EDEM1: variants seen among roughly 807,000 people sequenced by gnomAD.
EDEM1 encodes ER degradation-enhancing alpha-mannosidase-like protein 1.
A neutral mutation model predicts 74.4 loss-of-function variants in EDEM1; 67 were observed. The observed-to-expected ratio is 0.90, with a 90% CI of 0.74 to 1.10. The LOEUF is 1.10. Ranked by LOEUF, EDEM1 falls within the 50% of genes least tolerant of loss-of-function variation. The pLI, the probability that EDEM1 is intolerant of heterozygous loss-of-function variation, is 0.00. For missense variants in EDEM1, 926 were observed against 851.6 expected, an observed-to-expected ratio of 1.09 and a Z score of -1.09; for synonymous variants, 382 against 335.9, an observed-to-expected ratio of 1.14 and a Z score of -1.50.
chr3:5,195,640 G>A (rs1338941743), intron 2 of EDEM1, among the ~76,000 whole-genome samples: 1 of 152,150 alleles, frequency 6.6e-6, no homozygotes, highest in Non-Finnish European at 1.5e-5. Context: ...AAGATCTAAG[G>A]GTTGGCAGGT....
rs886772212 is a variant in EDEM1 at position 5,187,740 on chromosome 3, C to T, written c.-66C>T. 4 of 1,437,998 alleles carry T rather than the reference C, an allele frequency of 2.8e-6. No homozygotes were observed. Among genetic ancestry groups the T allele is most frequent in the South Asian group, 2.8e-5 (2 of 71,546 alleles). 89.1% of individuals were successfully genotyped at this position (1,437,998 alleles called of 1,614,324 possible). Reference sequence around the variant, plus strand: ...AGCGAGCCGGGCTACGGGGCGAGCGCGGGGTGCGGTGGTCGGCGGGGAGGC... The same window carrying T: ...AGCGAGCCGGGCTACGGGGCGAGCGTGGGGTGCGGTGGTCGGCGGGGAGGC... On this transcript the variant is annotated 5_prime_UTR_variant, in exon 1 of 12. Coordinates refer to ENST00000256497, the MANE Select transcript of EDEM1 (RefSeq NM_014674.3).
chr3:5,197,014 C>A (rs1235108891), intron 2 of EDEM1, among the ~76,000 whole-genome samples: 3 of 148,010 alleles, frequency 2.0e-5, no homozygotes, highest in Non-Finnish European at 4.5e-5. Context: ...CTTCAACCTT[C>A]AGCTCCTGGG....
rs1330199497 is a variant in EDEM1 at position 5,199,608 on chromosome 3, C to T, written c.599C>T (p.Ser200Phe). Residue 200 changes from serine (S) to phenylalanine (F), a missense_variant, in exon 3 of 12, where the codon TCC becomes TTC. Ser to Phe is a radical substitution (Grantham distance 155, BLOSUM62 -2). Coordinates refer to ENST00000256497, the MANE Select transcript of EDEM1 (RefSeq NM_014674.3). ...LDTLAIMGNSSEFQKAVKLVI... is the reference protein window; with the variant it reads ...LDTLAIMGNSFEFQKAVKLVI... ...TTTTTAAAGATAATGGGAAATTCAT[C>T]CGAGTTCCAGAAAGCCGTCAAGTTA... 3.1e-6 allele frequency: 5 copies of T among 1,612,444 alleles called. No individual in the cohort carries two copies. Among genetic ancestry groups the T allele is most frequent in the Non-Finnish European group, 4.2e-6 (5 of 1,179,170 alleles).
Position 5,187,804 on chromosome 3 carries a change from C to G in EDEM1, c.-2C>G, listed in dbSNP as rs1416844873. The G allele has an allele frequency of 6.4e-7, 1 of 1,556,118 alleles. No individual in the cohort carries two copies. On this transcript the variant is annotated 5_prime_UTR_variant, in exon 1 of 12. Transcript: ENST00000256497. ...AATAATGCCCGCGGCGCCCGCGCGA[C>G]CATGCAATGGCGAGCGCTCGTCCTG...
intron 3 of EDEM1, among the ~76,000 whole-genome samples, chr3:5,200,503 G>A (rs1332336567): frequency 6.6e-6 from 1 of 152,102 alleles, no homozygotes; most frequent in African/African-American, 2.4e-5. Context: ...TTGGGATCAT[G>A]CTGTATACCT....
intron 6 of EDEM1, among the ~76,000 whole-genome samples, chr3:5,206,876 A>G (rs2055104070): frequency 6.6e-6 from 1 of 152,196 alleles, no homozygotes; most frequent in Non-Finnish European, 1.5e-5. Flanking sequence ...CAGGGCTCTT[A>G]AACCCAAAGC....
chr3:5,189,122 C>A (rs576495406), intron 1 of EDEM1, among the ~76,000 whole-genome samples: 159 of 152,284 alleles, frequency 1.0e-3, no homozygotes, highest in African/African-American at 3.5e-3. Context: ...ACATCAAAGT[C>A]CAAGAGGGCA....
intron 1 of EDEM1, among the ~76,000 whole-genome samples, chr3:5,192,920 ATTTT>A (rs201219399): frequency 6.9e-6 from 1 of 143,998 alleles, no homozygotes. Flanking sequence ...ACTGCAAGTA[ATTTT>A]TTTTTTTTTT....
Position 5,213,410 on chromosome 3 carries a change from G to C in EDEM1, c.1772G>C (p.Arg591Pro), listed in dbSNP as rs200943819. The C allele has an allele frequency of 3.7e-6, 6 of 1,614,066 alleles. No homozygotes were observed. The East Asian group carries it at 1.3e-4, about 36-fold the overall frequency. ...GHIVSVDEHL[R>P]ELPWKEFFSE... ...ATTGTATCTGTGGATGAGCATCTTC[G>C]GGAATTGCCATGGAAGGAATTCTTC... The change falls in exon 11 of 12, where the codon CGG (arginine) becomes CCG (proline). Residue 591 changes from arginine to proline, a missense_variant. Coordinates refer to ENST00000256497, the MANE Select transcript of EDEM1 (RefSeq NM_014674.3).
chr3:5,202,400 G>C (rs561477232), intron 4 of EDEM1, among the ~76,000 whole-genome samples: 131 of 152,334 alleles, frequency 8.6e-4, no homozygotes, highest in African/African-American at 2.5e-3. Context: ...TTAAATGCCA[G>C]GATCTGGAAT....
chr3:5,212,989 TTAGG>T (rs1458646055), intron 10 of EDEM1, among the ~76,000 whole-genome samples: 1 of 152,220 alleles, frequency 6.6e-6, no homozygotes, highest in Non-Finnish European at 1.5e-5. Context: ...AGGAGAACTC[TTAGG>T]TAGCACATGG....
intron 10 of EDEM1, among the ~76,000 whole-genome samples, chr3:5,212,492 G>T (rs983496284): frequency 1.2e-4 from 19 of 152,210 alleles, no homozygotes; most frequent in African/African-American, 4.6e-4. Flanking sequence ...AGGTGACCCT[G>T]GAGGGTGTGC....
At position 5,211,510 on chromosome 3, in the gene EDEM1, G is replaced by C. The variant is rs1222826955; in HGVS notation, c.1680+294G>C. On this transcript the variant is annotated intron_variant, in intron 10 of 11. Transcript: ENST00000256497. Reference sequence around the variant, plus strand: ...AGTGTTAGTTCTGTATCTAACTACAGGTGGTCGGGGAAGACGCCTCTGAGG... The same window carrying C: ...AGTGTTAGTTCTGTATCTAACTACACGTGGTCGGGGAAGACGCCTCTGAGG... 3 of 316,126 alleles carry C rather than the reference G, an allele frequency of 9.5e-6. No homozygotes were observed. In the East Asian group the frequency reaches 2.1e-4, roughly 22 times the overall value. The allele number at this position is 316,126 out of a possible 1,614,324, so 19.6% of individuals were successfully genotyped here. A position where few individuals can be genotyped will look rare whatever the true frequency, so the allele number is the denominator to read the frequency against.
At chr3:5,196,526 C>G (rs1030525674) in intron 2 of EDEM1, among the ~76,000 whole-genome samples, 3 of 152,060 alleles carry the variant, frequency 2.0e-5, no homozygotes, top group Non-Finnish European at 2.9e-5. Context: ...TTATGATTGT[C>G]TAGTATCTTG....
In EDEM1 at chr3:5,192,969, G is replaced by A. The variant is rs573674668; in HGVS notation, c.510-2240G>A. Among the ~76,000 whole-genome samples, 6 of 151,348 alleles carry A rather than the reference G, an allele frequency of 4.0e-5. 1 individual carries two copies. The South Asian group carries it at 1.0e-3, about 26-fold the overall frequency. On this transcript the variant is annotated intron_variant, in intron 1 of 11. Transcript: ENST00000256497. ...GCAGCTCATTAATTTTTAGTGACTG[G>A]GCATTGTAAAAAATATTTTAAAACT... is the stretch of plus-strand genomic sequence containing the variant.
rs79714971 is a variant in EDEM1, at chr3:5,216,059, G to A, written c.*141G>A. ...GAATTTCTGTGCAACACCTCACCAC[G>A]TCTGGTTAATCCTTGCACACTTCAG... On this transcript the variant is annotated 3_prime_UTR_variant, in exon 12 of 12. Transcript: ENST00000256497. 3,066 of 641,012 alleles carry A rather than the reference G, an allele frequency of 4.8e-3. 71 individuals are homozygous for A. In the African/African-American group the frequency reaches 0.049, roughly 10 times the overall value. 39.7% of individuals were successfully genotyped at this position (641,012 alleles called of 1,614,324 possible). A position where few individuals can be genotyped will look rare whatever the true frequency, so the allele number is the denominator to read the frequency against.
chr3:5,202,928 T>G, intron 4 of EDEM1, 38 bp from the exon 5 acceptor site: 2 of 1,594,794 alleles, frequency 1.3e-6, no homozygotes, highest in Non-Finnish European at 1.7e-6. Flanking sequence ...GTGGATTCCT[T>G]GAGTTTTGTC....
chr3:5,187,861 G>C lies in EDEM1; in HGVS notation c.56G>C (p.Gly19Ala). 1 of 1,598,566 alleles carries C rather than the reference G, an allele frequency of 6.3e-7. No homozygotes were observed. Among genetic ancestry groups the C allele is most frequent in the Non-Finnish European group, 8.5e-7 (1 of 1,173,868 alleles). Residue 19 changes from glycine (G) to alanine (A), a missense_variant, in exon 1 of 12, where the codon GGA (glycine) becomes GCA (alanine). By Grantham distance (60) the Gly-to-Ala change is moderately conservative. Coordinates refer to ENST00000256497, the MANE Select transcript of EDEM1 (RefSeq NM_014674.3). ...GTGCTCCTCCGGCTTGGCCTCCATGGAGTATTGTGGCTCGTCTTCGGGCTG... is the reference window on the plus strand; with the variant it reads ...GTGCTCCTCCGGCTTGGCCTCCATGCAGTATTGTGGCTCGTCTTCGGGCTG... The part of the protein sequence containing the change: ...GLVLLRLGLH[G>A]VLWLVFGLGP...
At chr3:5,190,425 A>G (rs1195232665) in intron 1 of EDEM1, among the ~76,000 whole-genome samples, 1 of 152,212 alleles carries the variant, frequency 6.6e-6, no homozygotes, top group African/African-American at 2.4e-5. Context: ...TGACATTTTA[A>G]TGTTTTTCTT....
Sources: allele counts gnomAD v4.1 joint callset (sites outside exome capture counted in the v4.1 genomes callset), GRCh38; gene constraint gnomAD v4.1.1; transcripts MANE v1.5; gene names NCBI Gene and HGNC (gene_info 2026-07-23, HGNC 2026-07-21).